Variants in PEX6 observed in about 807,000 individuals in gnomAD.
PEX6 encodes the protein peroxisomal biogenesis factor 6.
A neutral mutation model predicts 85.6 loss-of-function variants in PEX6; 55 were observed. The ratio of observed to expected loss-of-function variants is 0.64; its 90% confidence interval spans 0.52 to 0.80. The LOEUF is 0.80. Among genes scored for constraint, PEX6 ranks in the 30% least tolerant of loss-of-function variants. The probability of loss-of-function intolerance (pLI) is 0.00; values close to 1 mark genes in which losing one functional copy is unlikely to be tolerated. For synonymous variants in PEX6, 519 were observed against 549.1 expected (o/e 0.95, Z 0.77); for missense variants, 1,099 against 1,260.3 (o/e 0.87, Z 1.94).
At position 42,965,539 on chromosome 6, in the gene PEX6, T is replaced by A; in HGVS notation, c.2471+142A>T. On this transcript the variant is annotated intron_variant, in intron 13 of 16. Transcript: ENST00000304611. The surrounding 1 kb of genome is among the most constrained non-coding windows in gnomAD (Gnocchi z 5.0). ...CCTCAGTGGACCCTGCCCAATTTCA[T>A]GGCCCCTTTCAGCTTCCATTATATT... 1.1e-6 allele frequency: 1 copy of A among 892,726 alleles called. No individual in the cohort carries two copies. Among genetic ancestry groups the A allele is most frequent in the Non-Finnish European group, 1.9e-6 (1 of 526,302 alleles). The allele number at this position is 892,726 out of a possible 1,614,324, so 55.3% of individuals were successfully genotyped here.
chr6:42,968,749 C>A, intron 6 of PEX6, 125 bp downstream of exon 6: 2 of 833,748 alleles, frequency 2.4e-6, no homozygotes, highest in Non-Finnish European at 4.2e-6. Context: ...TATGCCTGAC[C>A]CACTGGGCTG....
chr6:42,967,952 T>C (rs909554601), intron 7 of PEX6, among the ~76,000 whole-genome samples: 30 of 148,974 alleles, frequency 2.0e-4, no homozygotes, highest in African/African-American at 6.4e-4. Flanking sequence ...TCCCCCTTTT[T>C]TTTTTTTTTT....
rs778693003 is a variant in PEX6 at position 42,966,771 on chromosome 6, C to T, written c.1961+11G>A. ...CCTCTTTCCGCCTTTCCGGTGCCCA[C>T]GTCCTCTTACCCTGAGTTCTTGATC... On this transcript the variant is annotated intron_variant, in intron 9 of 16. Transcript: ENST00000304611. 52 of 1,613,866 alleles carry T rather than the reference C, an allele frequency of 3.2e-5. No homozygotes were observed. The highest frequency in any genetic ancestry group is 3.8e-5 in the Non-Finnish European group (45 of 1,179,976).
chr6:42,973,861 T>TACACAC, intron 3 of PEX6, 142 bp downstream of exon 3: 1 of 685,462 alleles, frequency 1.5e-6, no homozygotes, highest in Non-Finnish European at 2.7e-6. Context: ...AAGAACCTGT[T>TACACAC]ACACACACAC....
chr6:42,974,153 G>GC, intron 2 of PEX6, 67 bp from the exon 3 acceptor site: 1 of 1,188,124 alleles, frequency 8.4e-7, no homozygotes, highest in Non-Finnish European at 1.3e-6. Context: ...ATTACCACAT[G>GC]TCCACCCCCG....
Position 42,974,024 on chromosome 6 carries a change from C to A in PEX6, c.1109G>T (p.Gly370Val). ...PTIGQVEILEGSPEKLPRWRE... is the reference protein window; with the variant it reads ...PTIGQVEILEVSPEKLPRWRE... ...ATACCTGGGCAGTTTCTCTGGACTT[C>A]CTTCCAGGATCTCTACTTGCCCAAT... The change falls in exon 3 of 17, where the codon GGA becomes GTA. Residue 370 changes from glycine to valine, a missense_variant. Gly to Val is a moderately radical substitution (Grantham distance 109). Around this residue, in one of 3 missense-constraint regions of PEX6, gnomAD observed 579 missense variants for 611.6 expected, o/e 0.95. Coordinates refer to ENST00000304611, the MANE Select transcript of PEX6 (RefSeq NM_000287.4). The A allele has an allele frequency of 6.2e-7, 1 of 1,613,982 alleles. No homozygotes were observed. The highest frequency in any genetic ancestry group is 8.5e-7 in the Non-Finnish European group (1 of 1,179,840).
Position 42,965,785 on chromosome 6 carries a change from A to G in PEX6, c.2367T>C (p.Phe789=). 6.2e-7 allele frequency: 1 copy of G among 1,613,456 alleles called. No homozygotes were observed. The highest frequency in any genetic ancestry group is 8.5e-7 in the Non-Finnish European group (1 of 1,179,486). Residue 789 remains phenylalanine (F), a synonymous_variant, in exon 13 of 17, where the codon TTT becomes TTC. Coordinates refer to ENST00000304611, the MANE Select transcript of PEX6 (RefSeq NM_000287.4). The surrounding 1 kb of genome is among the most constrained non-coding windows in gnomAD (Gnocchi z 5.0). The stretch of plus-strand genomic sequence containing the variant: ...ATGGAGCTGCAGCCCTGGCCCTGGC[A>G]AACACTGAAGAGAGAGAGGGGCCCA... ...GQSEENVREV[F]ARARAAAPCI... is the part of the protein sequence containing the mutation.
Position 42,978,382 on chromosome 6 carries a change from G to T in PEX6, c.769C>A (p.Pro257Thr). 1 of 1,614,190 alleles carries T rather than the reference G, an allele frequency of 6.2e-7. No homozygotes were observed. The highest frequency in any genetic ancestry group is 1.1e-5 in the South Asian group (1 of 91,084). The change falls in exon 1 of 17, where the codon CCC becomes ACC. Residue 257 changes from proline to threonine, a missense_variant. Physicochemically the swap from Pro to Thr is conservative, Grantham distance 38. This residue lies in a region of PEX6 where 579 missense variants were observed against 611.6 expected (regional missense o/e 0.95). Transcript: ENST00000304611. Reference protein sequence around the residue: ...PRWDLSDRLGPGSGPLGEPLA... With the variant: ...PRWDLSDRLGTGSGPLGEPLA... ...GGCTCTCCCAGCGGTCCAGAGCCGG[G>T]TCCCAGTCTATCAGAGAGGTCCCAG...
chr6:42,975,118 C>G (rs1770234974), intron 1 of PEX6, 80 bp from the exon 2 acceptor site: 3 of 1,179,864 alleles, frequency 2.5e-6, no homozygotes, highest in Non-Finnish European at 3.8e-6. Context: ...GCCAACATGT[C>G]TATTTCCATC....
chr6:42,966,161 A>T lies in PEX6; in HGVS notation c.2301-56T>A. The T allele has an allele frequency of 1.9e-6, 3 of 1,609,658 alleles. No individual in the cohort carries two copies. In the South Asian group the frequency reaches 3.3e-5, roughly 18 times the overall value. On this transcript the variant is annotated intron_variant, in intron 11 of 16. Transcript: ENST00000304611. The stretch of plus-strand genomic sequence containing the variant: ...CGTCAGATGCACATACACACAATTG[A>T]CCTCTTGGGCAGCCCCTCCTGCTCC...
chr6:42,966,932 G>T (rs1033566778), intron 8 of PEX6, 74 bp from the exon 9 acceptor site: 1 of 1,047,798 alleles, frequency 9.5e-7, no homozygotes, highest in Non-Finnish European at 1.5e-6. Context: ...CCCCCAGCTA[G>T]AGCAGAGGCC....
chr6:42,968,733 T>C (rs1020896263), intron 6 of PEX6, 141 bp downstream of exon 6: 15 of 792,340 alleles, frequency 1.9e-5, no homozygotes, highest in Non-Finnish European at 2.9e-5. Flanking sequence ...CTCAGCATCA[T>C]GGGAATATGC....
rs1216529299 is a variant in PEX6 at position 42,964,365 on chromosome 6, C to G, written c.2913G>C (p.Lys971Asn). 2 of 1,613,752 alleles carry G rather than the reference C, an allele frequency of 1.2e-6. No individual in the cohort carries two copies. Among genetic ancestry groups the G allele is most frequent in the African/African-American group, 2.7e-5 (2 of 74,940 alleles). The change falls in exon 17 of 17, where the codon AAG becomes AAC. Residue 971 changes from lysine (K) to asparagine (N), a missense_variant. Around this residue, in one of 3 missense-constraint regions of PEX6, gnomAD observed 514 missense variants for 627.0 expected, o/e 0.82. Transcript: ENST00000304611. The surrounding 1 kb of genome is among the most constrained non-coding windows in gnomAD (Gnocchi z 4.6). ...AGGCAGCAAACTTGCGCTGGATGCG[C>G]TTGTACCGGAGCAGCTCCTGCTCAC... ...SVSEQELLRY[K>N]RIQRKFAAC
At chr6:42,966,132 G>C (rs1464448467) in intron 11 of PEX6, 27 bp from the exon 12 acceptor site, 1 of 1,613,762 alleles carries the variant, frequency 6.2e-7, no homozygotes, top group Admixed American at 1.7e-5. Flanking sequence ...GAGAAGGTGA[G>C]AGCCGTCAGA....
chr6:42,967,023 A>G (rs1235148082), intron 8 of PEX6, among the ~76,000 whole-genome samples, 165 bp from the exon 9 acceptor site: 4 of 124,040 alleles, frequency 3.2e-5, no homozygotes, highest in African/African-American at 1.3e-4. Context: ...CTCAGGCTGG[A>G]GTGCAATGGC....
At position 42,978,537 on chromosome 6, in the gene PEX6, A is replaced by T. The variant is rs1379179938; in HGVS notation, c.614T>A (p.Leu205Gln). Residue 205 changes from leucine (L) to glutamine (Q), a missense_variant, in exon 1 of 17, where the codon CTA becomes CAA. Physicochemically the swap from Leu to Gln is moderately radical, Grantham distance 113. Transcript: ENST00000304611. ...ACGGAGACAGCTCCGGCTCACCCCT[A>T]GTGAATCTCCAGTCCCTCCCAGAAC... ...QGVLGGTGDS[L>Q]GVSRSCLRGL... The T allele has an allele frequency of 6.2e-7, 1 of 1,613,826 alleles. No homozygotes were observed.
intron 1 of PEX6, among the ~76,000 whole-genome samples, chr6:42,977,865 CAG>C (rs1443202021): frequency 8.9e-6 from 1 of 112,318 alleles, no homozygotes; most frequent in Non-Finnish European, 1.7e-5. Context: ...TTTTTTGAGA[CAG>C]AGTTTCACTC....
rs774874010 is a variant in PEX6, at chr6:42,968,936, C to T, written c.1417G>A (p.Gly473Ser). 14 of 1,614,032 alleles carry T rather than the reference C, an allele frequency of 8.7e-6. No individual in the cohort carries two copies. The highest frequency in any genetic ancestry group is 3.3e-4 in the Middle Eastern group (2 of 6,084). Residue 473 changes from glycine to serine, a missense_variant, in exon 6 of 17, where the codon GGC (glycine) becomes AGC (serine). Coordinates refer to ENST00000304611, the MANE Select transcript of PEX6 (RefSeq NM_000287.4). ...TSSVLLRGPP[G>S]CGKTTVVAAA... ...GCAACTACTGTGGTCTTCCCACAGCCTGGGGGGCCCCGTAGAAGGACACTG... is the reference window on the plus strand; with the variant it reads ...GCAACTACTGTGGTCTTCCCACAGCTTGGGGGGCCCCGTAGAAGGACACTG...
chr6:42,966,456 TGGAAAGTGCGTG>T lies in PEX6; in HGVS notation c.2095-21_2095-10del, dbSNP rs772869377. 13 of 1,613,808 alleles carry T rather than the reference TGGAAAGTGCGTG, an allele frequency of 8.1e-6. No individual in the cohort carries two copies. In the Admixed American group the frequency reaches 1.8e-4, roughly 23 times the overall value. On this transcript the variant is annotated splice_polypyrimidine_tract_variant and intron_variant, in intron 10 of 16. Coordinates refer to ENST00000304611, the MANE Select transcript of PEX6 (RefSeq NM_000287.4). ...CAGGACACTGAGGGGATCTAGGAGATGGAAAGTGCGTGGTTGGGATATGCTCTTGGAGGGGCT... is the reference window on the plus strand; with the variant it reads ...CAGGACACTGAGGGGATCTAGGAGATGTTGGGATATGCTCTTGGAGGGGCT...
Sources: allele counts gnomAD v4.1 joint callset (sites outside exome capture counted in the v4.1 genomes callset), GRCh38; gene constraint gnomAD v4.1.1; regional missense constraint gnomAD v4.1.1; non-coding constraint Gnocchi (gnomAD v3.1); transcripts MANE v1.5; gene names NCBI Gene and HGNC (gene_info 2026-07-23, HGNC 2026-07-21).